HKDC1: variants seen among roughly 807,000 people sequenced by gnomAD.
HKDC1 encodes the protein hexokinase domain containing 1.
In HKDC1, 66 loss-of-function variants were observed where a neutral mutation model predicts 96.6. The observed-to-expected ratio is 0.68, with a 90% CI of 0.56 to 0.84. HKDC1 has a LOEUF of 0.84. Ranked by LOEUF, HKDC1 falls within the 40% of genes least tolerant of loss-of-function variation. The pLI is 0.00. For missense variants in HKDC1, 1,211 were observed against 1,208.1 expected, an observed-to-expected ratio of 1.00 and a Z score of -0.04; for synonymous variants, 466 against 473.1, an observed-to-expected ratio of 0.98 and a Z score of 0.20.
At chr10:69,232,125 G>C (rs535319253) in intron 2 of HKDC1, among the ~76,000 whole-genome samples, 1 of 152,348 alleles carries the variant, frequency 6.6e-6, no homozygotes, top group African/African-American at 2.4e-5. Flanking sequence ...TTACAGGCAT[G>C]AGCCACTGTG....
At chr10:69,222,414 G>T (rs540116059) in intron 1 of HKDC1, among the ~76,000 whole-genome samples, 1 of 152,348 alleles carries the variant, frequency 6.6e-6, no homozygotes, top group South Asian at 2.1e-4. Flanking sequence ...AGGAGGCGCT[G>T]CCTAGGAATC....
intron 4 of HKDC1, among the ~76,000 whole-genome samples, chr10:69,237,878 A>T (rs1843388576): frequency 6.6e-6 from 1 of 152,140 alleles, no homozygotes; most frequent in Admixed American, 6.5e-5. Flanking sequence ...TCCCTCTCTC[A>T]ATCCCAGCGT....
chr10:69,243,034 A>G, intron 6 of HKDC1, 148 bp from the exon 7 acceptor site: 1 of 723,030 alleles, frequency 1.4e-6, no homozygotes, highest in Non-Finnish European at 2.3e-6. Flanking sequence ...GGGCTTGCCC[A>G]AGCTGCTTCC....
Position 69,250,616 on chromosome 10 carries a change from A to T in HKDC1, c.1800A>T (p.Thr600=), listed in dbSNP as rs138708258. The change falls in exon 12 of 18, where the codon ACA becomes ACT. Residue 600 remains threonine (T), a synonymous_variant. Transcript: ENST00000354624. Reference sequence around the variant, plus strand: ...GAGCCTCCCTACCTTTGGGCTTCACATTCTCATTTCCCTGCAGGCAGATGA... The same window carrying T: ...GAGCCTCCCTACCTTTGGGCTTCACTTTCTCATTTCCCTGCAGGCAGATGA... The part of the protein sequence containing the change: ...LKGASLPLGF[T]FSFPCRQMSI... 6.2e-7 allele frequency: 1 copy of T among 1,613,970 alleles called. No individual in the cohort carries two copies. The highest frequency in any genetic ancestry group is 1.1e-5 in the South Asian group (1 of 91,078).
chr10:69,259,069 A>G (rs1169536976), intron 15 of HKDC1, 110 bp downstream of exon 15: 26 of 835,622 alleles, frequency 3.1e-5, no homozygotes, highest in Non-Finnish European at 4.5e-5. Flanking sequence ...ACAGCTGTCG[A>G]ATGTCAGTGA....
rs1843442635 is a variant in HKDC1, at chr10:69,240,697, A to G, written c.637A>G (p.Thr213Ala). 3.7e-6 allele frequency: 6 copies of G among 1,614,020 alleles called. No individual in the cohort carries two copies. Among genetic ancestry groups the G allele is most frequent in the Non-Finnish European group, 5.1e-6 (6 of 1,179,968 alleles). Residue 213 changes from threonine to alanine, a missense_variant, in exon 6 of 18, where the codon ACC becomes GCC. Physicochemically the swap from Thr to Ala is moderately conservative, Grantham distance 58. Coordinates refer to ENST00000354624, the MANE Select transcript of HKDC1 (RefSeq NM_025130.4). ...ILALVNDTVG[T>A]MMTCAYDDPY... ...GGCCCTGGTCAATGACACCGTGGGG[A>G]CCATGATGACCTGTGCCTATGACGA...
rs576372699 is a variant in HKDC1 at position 69,248,850 on chromosome 10, TAAG to T, written c.1570+129_1570+131del. On this transcript the variant is annotated intron_variant, in intron 10 of 17. Transcript: ENST00000354624. ...TCACGTCTCTAATGGAGGGCAAGAG[TAAG>T]AAGAAGGCTAGTATTCTTTCTAAAT... The T allele has an allele frequency of 7.1e-4, 607 of 852,304 alleles. 2 individuals carry two copies. Among genetic ancestry groups the T allele is most frequent in the Non-Finnish European group, 9.8e-4 (558 of 567,916 alleles). The allele number at this position is 852,304 out of a possible 1,614,324, so 52.8% of individuals were successfully genotyped here. A position where few individuals can be genotyped will look rare whatever the true frequency, so the allele number is the denominator to read the frequency against.
At position 69,261,400 on chromosome 10, in the gene HKDC1, C is replaced by G; in HGVS notation, c.2372+106C>G. 4.6e-6 allele frequency: 5 copies of G among 1,082,334 alleles called. No individual in the cohort carries two copies. In the South Asian group the frequency reaches 7.5e-5, roughly 16 times the overall value. 67.0% of individuals were successfully genotyped at this position (1,082,334 alleles called of 1,614,324 possible). ...AAAAATAAAAACAGAAAGGCCCTGG[C>G]TGGGTAAGGGATTGCCTCCTGGGGC... On this transcript the variant is annotated intron_variant, in intron 16 of 17. Coordinates refer to ENST00000354624, the MANE Select transcript of HKDC1 (RefSeq NM_025130.4).
chr10:69,239,368 C>T (rs996362095), intron 5 of HKDC1, among the ~76,000 whole-genome samples: 2 of 152,214 alleles, frequency 1.3e-5, no homozygotes, highest in African/African-American at 4.8e-5. Context: ...TGAAAGGTGG[C>T]CAGCTCATCC....
chr10:69,238,368 CTTTTTT>C lies in HKDC1; in HGVS notation c.496-660_496-655del, dbSNP rs55819248. 1.1e-3 allele frequency among the ~76,000 whole-genome samples: 68 copies of C among 61,314 alleles called. 11 individuals carry two copies. The highest frequency in any genetic ancestry group is 2.0e-3 in the African/African-American group (24 of 12,130). 40.2% of individuals were successfully genotyped at this position (61,314 alleles called of 152,430 possible). A position where few individuals can be genotyped will look rare whatever the true frequency, so the allele number is the denominator to read the frequency against. On this transcript the variant is annotated intron_variant, in intron 4 of 17. Transcript: ENST00000354624. ...GCATGTATAATACACCAGGTATTTT[CTTTTTT>C]TTTTTTTTTTTTTGAGACGGAGTCT... is the stretch of plus-strand genomic sequence containing the variant.
At position 69,239,138 on chromosome 10, in the gene HKDC1, G is replaced by A. The variant is rs1389721942; in HGVS notation, c.591+1G>A. 3.7e-6 allele frequency: 6 copies of A among 1,612,488 alleles called. No homozygotes were observed. The highest frequency in any genetic ancestry group is 2.7e-5 in the African/African-American group (2 of 74,910). On this transcript the variant is annotated splice_donor_variant, in intron 5 of 17. Transcript: ENST00000354624. LOFTEE classifies it high-confidence loss of function. ...GACCAAAGCCATGAGAAGACACAAG[G>A]TGAGGAATTCACCTCGGTGTGGGAG...
In HKDC1 at chr10:69,257,374, C is replaced by T. The variant is rs200520567; in HGVS notation, c.1980C>T (p.Thr660=). 18 of 1,613,912 alleles carry T rather than the reference C, an allele frequency of 1.1e-5. No individual in the cohort carries two copies. The East Asian group carries it at 4.0e-4, about 36-fold the overall frequency. ...CAGTCGTGAATGATACAGTGGGGAC[C>T]ATGATGACCTGTGGCTATGAAGATC... is the stretch of plus-strand genomic sequence containing the variant. The part of the protein sequence containing the change: ...IVAVVNDTVG[T]MMTCGYEDPN... Residue 660 remains threonine, a synonymous_variant, in exon 14 of 18, where the codon ACC becomes ACT. Transcript: ENST00000354624.
chr10:69,245,570 C>CAATAATAATAATAATAAT (rs10646729), intron 7 of HKDC1, among the ~76,000 whole-genome samples: 19 of 139,390 alleles, frequency 1.4e-4, no homozygotes, highest in Non-Finnish European at 2.3e-4. Context: ...ATCCTGTCTC[C>CAATAATAATAATAATAAT]AATAATAATA....
intron 2 of HKDC1, among the ~76,000 whole-genome samples, chr10:69,229,605 G>A (rs994590628): frequency 3.3e-5 from 5 of 152,174 alleles, no homozygotes; most frequent in Non-Finnish European, 7.4e-5. Context: ...CCAGAAGCAA[G>A]GGAAGGTGGC....
Position 69,267,010 on chromosome 10 carries a change from C to A in HKDC1, c.*253C>A, listed in dbSNP as rs906364335. On this transcript the variant is annotated 3_prime_UTR_variant, in exon 18 of 18. Transcript: ENST00000354624. ...AATCAAAGTGTCTGTCCTGAGAGAT[C>A]CCCTTTCAACACATTGTTCAGGTGA... is the stretch of plus-strand genomic sequence containing the variant. 4 of 342,694 alleles carry A rather than the reference C, an allele frequency of 1.2e-5. No individual in the cohort carries two copies. The highest frequency in any genetic ancestry group is 2.1e-5 in the Non-Finnish European group (4 of 188,750). The allele number at this position is 342,694 out of a possible 1,614,324, so 21.2% of individuals were successfully genotyped here.
chr10:69,240,028 G>A (rs1291781250), intron 5 of HKDC1, among the ~76,000 whole-genome samples: 1 of 152,166 alleles, frequency 6.6e-6, no homozygotes, highest in Non-Finnish European at 1.5e-5. Context: ...TGCCATACAT[G>A]GGGAAGACTT....
intron 16 of HKDC1, among the ~76,000 whole-genome samples, chr10:69,263,005 C>T (rs16926201): frequency 0.053 from 8,126 of 152,080 alleles, 735 homozygotes; most frequent in African/African-American, 0.19. Context: ...GAAAGATTTG[C>T]TTCTGCTGCA....
chr10:69,252,384 G>A (rs1341465308), intron 12 of HKDC1, among the ~76,000 whole-genome samples: 1 of 152,028 alleles, frequency 6.6e-6, no homozygotes, highest in Non-Finnish European at 1.5e-5. Flanking sequence ...GGTGGCTCAT[G>A]CCTATAATCC....
At chr10:69,225,756 G>C (rs901166271) in intron 1 of HKDC1, 1 of 152,200 alleles carries the variant, frequency 6.6e-6, no homozygotes, top group Non-Finnish European at 1.5e-5. Flanking sequence ...GGGGGTGAGT[G>C]ATCTAGAGCC....
Sources: gnomAD v4.1 joint callset for allele counts (sites outside exome capture counted in the v4.1 genomes callset) on GRCh38, gnomAD v4.1.1 for gene constraint, MANE v1.5 for transcripts, NCBI Gene and HGNC (gene_info 2026-07-23, HGNC 2026-07-21) for gene names.